CEP112: variants seen among roughly 807,000 people sequenced by gnomAD.
CEP112 encodes the protein centrosomal protein 112.
A neutral mutation model predicts 153.0 loss-of-function variants in CEP112; 127 were observed. The ratio of observed to expected loss-of-function variants is 0.83; its 90% CI spans 0.72 to 0.96. CEP112 has a LOEUF of 0.96. CEP112 is among the 40% of genes least tolerant of loss of function. CEP112 has a pLI of 0.00. For missense variants in CEP112, 1,089 were observed against 1,101.2 expected (o/e 0.99, Z 0.16); for synonymous variants, 358 against 374.4 (o/e 0.96, Z 0.51).
At chr17:66,027,252 C>G (rs1020607930) in intron 16 of CEP112, among the ~76,000 whole-genome samples, 11 of 152,032 alleles carry the variant, frequency 7.2e-5, no homozygotes, top group African/African-American at 2.7e-4. Context: ...TGGTGCACAC[C>G]TGTAGTCCCA....
chr17:66,007,882 C>T (rs1173879692), intron 16 of CEP112, among the ~76,000 whole-genome samples: 2 of 152,054 alleles, frequency 1.3e-5, no homozygotes, highest in African/African-American at 2.4e-5. Flanking sequence ...TGAATTTGGC[C>T]CAAATCATAC....
At chr17:65,962,440 C>T (rs1899580) in intron 17 of CEP112, among the ~76,000 whole-genome samples, 63,019 of 151,974 alleles carry the variant, frequency 0.41, 14,452 homozygotes, top group East Asian at 0.87. Flanking sequence ...ATACCTTAGG[C>T]GGAAACTATA....
chr17:65,936,080 T>C (rs950796224), intron 18 of CEP112, among the ~76,000 whole-genome samples: 8 of 151,994 alleles, frequency 5.3e-5, no homozygotes, highest in African/African-American at 1.9e-4. Context: ...ATCGATAATA[T>C]AGAAACACAA....
At chr17:66,142,135 T>A (rs746673426) in intron 4 of CEP112, among the ~76,000 whole-genome samples, 1 of 152,220 alleles carries the variant, frequency 6.6e-6, no homozygotes, top group Non-Finnish European at 1.5e-5. Context: ...ATGCGTGATG[T>A]TGAACATTTT....
intron 23 of CEP112, among the ~76,000 whole-genome samples, chr17:65,708,147 G>T (rs57863709): frequency 0.34 from 51,369 of 151,268 alleles, 8,969 homozygotes; most frequent in Middle Eastern, 0.49. Context: ...ACAACCCCCC[G>T]CACTTTTTTT....
chr17:66,122,015 T>C (rs1312998149), intron 6 of CEP112, among the ~76,000 whole-genome samples: 1 of 152,078 alleles, frequency 6.6e-6, no homozygotes, highest in Non-Finnish European at 1.5e-5. Context: ...CTGCCGCAGC[T>C]TCCCAAGTAG....
At position 65,743,048 on chromosome 17, in the gene CEP112, T is replaced by A; in HGVS notation, c.2607+20A>T. ...CATTAAAGCAGCTGGTACCACTGGT[T>A]ACTGAAGTCTTCAGATTACCTTGAT... On this transcript the variant is annotated intron_variant, in intron 23 of 26. Coordinates refer to ENST00000535342, the MANE Select transcript of CEP112 (RefSeq NM_001199165.4). 1 of 1,588,658 alleles carries A rather than the reference T, an allele frequency of 6.3e-7. No homozygotes were observed. Among genetic ancestry groups the A allele is most frequent in the South Asian group, 1.2e-5 (1 of 86,718 alleles).
At chr17:65,777,689 T>C (rs916481556) in intron 21 of CEP112, among the ~76,000 whole-genome samples, 4 of 152,228 alleles carry the variant, frequency 2.6e-5, no homozygotes, top group East Asian at 1.9e-4. Context: ...TAAGAGTCCA[T>C]AGACCACTCC....
intron 20 of CEP112, chr17:65,873,100 C>T (rs1486611858): frequency 6.6e-6 from 1 of 152,254 alleles, no homozygotes; most frequent in East Asian, 1.9e-4. Context: ...TGCACTCTCC[C>T]TCCCACTCAT....
At chr17:65,821,575 G>A (rs1443905265) in intron 21 of CEP112, among the ~76,000 whole-genome samples, 1 of 103,162 alleles carries the variant, frequency 9.7e-6, no homozygotes, top group Non-Finnish European at 1.8e-5. Context: ...TTTCTGAGAC[G>A]GAGTCTTGCT....
intron 6 of CEP112, among the ~76,000 whole-genome samples, chr17:66,107,052 C>T (rs1266138728): frequency 1.3e-5 from 2 of 152,080 alleles, no homozygotes; most frequent in East Asian, 3.9e-4. Context: ...ACTGTATGAA[C>T]ATTTCAATTG....
intron 6 of CEP112, among the ~76,000 whole-genome samples, chr17:66,119,925 G>C (rs2069493670): frequency 6.6e-6 from 1 of 152,042 alleles, no homozygotes; most frequent in Non-Finnish European, 1.5e-5. Context: ...CATTATAATA[G>C]GTGTGTAGTG....
chr17:66,175,185 C>T lies in CEP112; in HGVS notation c.329G>A (p.Arg110Gln), dbSNP rs1260295541. Residue 110 changes from arginine to glutamine, a missense_variant, in exon 4 of 27, where the codon CGA (arginine) becomes CAA (glutamine). By Grantham distance (43) the Arg-to-Gln change is conservative (BLOSUM62 1). Coordinates refer to ENST00000535342, the MANE Select transcript of CEP112 (RefSeq NM_001199165.4). ...SIYFDEPNPA[R>Q]AKGSSPEGLP... ...TCCCTCTGGGCTTGAACCTTTTGCT[C>T]GTGCTGGATTTGGTTCATCAAAATA... is the stretch of plus-strand genomic sequence containing the variant. 2 of 1,598,944 alleles carry T rather than the reference C, an allele frequency of 1.3e-6. No homozygotes were observed. Among genetic ancestry groups the T allele is most frequent in the Non-Finnish European group, 1.7e-6 (2 of 1,174,048 alleles).
At chr17:65,905,182 G>A (rs1264170866) in intron 19 of CEP112, among the ~76,000 whole-genome samples, 1 of 151,906 alleles carries the variant, frequency 6.6e-6, no homozygotes, top group Non-Finnish European at 1.5e-5. Context: ...CAGAATGGGA[G>A]AAAATTTTTG....
chr17:65,900,774 A>T (rs2059817858), intron 20 of CEP112, among the ~76,000 whole-genome samples: 1 of 152,150 alleles, frequency 6.6e-6, no homozygotes, highest in South Asian at 2.1e-4. Flanking sequence ...GAGTCAAAAC[A>T]CCAGCATATA....
chr17:65,949,613 A>G (rs1022063709), intron 18 of CEP112, among the ~76,000 whole-genome samples: 12 of 152,210 alleles, frequency 7.9e-5, no homozygotes, highest in Non-Finnish European at 1.8e-4. Flanking sequence ...GAAACACATG[A>G]ACTCTTAGAT....
chr17:65,733,357 G>C (rs758705672), intron 23 of CEP112, among the ~76,000 whole-genome samples: 1 of 152,068 alleles, frequency 6.6e-6, no homozygotes, highest in African/African-American at 2.4e-5. Flanking sequence ...ATAATGAAAA[G>C]GTCTGAAATA....
chr17:66,027,777 C>T (rs2065279298), intron 15 of CEP112, among the ~76,000 whole-genome samples: 1 of 152,086 alleles, frequency 6.6e-6, no homozygotes, highest in Non-Finnish European at 1.5e-5. Flanking sequence ...CTCAAAAGCA[C>T]TTGCTTTACA....
At chr17:66,187,898 A>T (rs951169431) in intron 1 of CEP112, among the ~76,000 whole-genome samples, 1 of 152,090 alleles carries the variant, frequency 6.6e-6, no homozygotes, top group Non-Finnish European at 1.5e-5. Flanking sequence ...GCTTGATGAC[A>T]TCATCATCTA....
Sources: allele counts gnomAD v4.1 joint callset (sites outside exome capture counted in the v4.1 genomes callset), GRCh38; gene constraint gnomAD v4.1.1; transcripts MANE v1.5; gene names NCBI Gene and HGNC (gene_info 2026-07-23, HGNC 2026-07-21).